Variants in FOXO3 observed in about 807,000 individuals in gnomAD.
The protein encoded by FOXO3 is forkhead box O3, also known as forkhead box protein O3.
FOXO3 carries 4 observed loss-of-function variants against 41.9 expected under a neutral mutation model. That is an observed-to-expected ratio of 0.10 (90% confidence interval 0.05 to 0.22). FOXO3 has a LOEUF of 0.22. Ranked by LOEUF, FOXO3 falls within the 10% of genes least tolerant of loss-of-function variation. The pLI, the probability that FOXO3 is intolerant of heterozygous loss-of-function variation, is 1.00. For synonymous variants in FOXO3, 318 were observed against 389.3 expected, an observed-to-expected ratio of 0.82 and a Z score of 2.16; for missense variants, 534 against 906.8, an observed-to-expected ratio of 0.59 and a Z score of 5.28.
At chr6:108,572,867 A>G (rs976227879) in intron 1 of FOXO3, among the ~76,000 whole-genome samples, 1 of 152,172 alleles carries the variant, frequency 6.6e-6, no homozygotes, top group Admixed American at 6.5e-5. Flanking sequence ...GAAATGGTTC[A>G]GGAAGGTGAA....
rs146295981 is a variant in FOXO3, at chr6:108,653,529, C to T, written c.622-9926C>T. On this transcript the variant is annotated intron_variant, in intron 1 of 2. Coordinates refer to ENST00000406360, the MANE Select transcript of FOXO3 (RefSeq NM_001455.4). The stretch of plus-strand genomic sequence containing the variant: ...GATTGGATTCAGGTGTGGCACTGTG[C>T]CTCTTTGGTCCTCAGGGTCTGCGAC... 5.0e-4 allele frequency among the ~76,000 whole-genome samples: 76 copies of T among 152,222 alleles called. No individual in the cohort carries two copies. In the East Asian group the frequency reaches 0.014, roughly 27 times the overall value.
intron 1 of FOXO3, among the ~76,000 whole-genome samples, chr6:108,582,184 A>G (rs72940688): frequency 0.015 from 2,218 of 152,298 alleles, 28 homozygotes; most frequent in Non-Finnish European, 0.023. Context: ...GGTATAGGCC[A>G]TTTATTTACT....
chr6:108,565,479 G>T (rs1188889881), intron 1 of FOXO3, among the ~76,000 whole-genome samples: 2 of 152,164 alleles, frequency 1.3e-5, no homozygotes, highest in Non-Finnish European at 2.9e-5. Context: ...CTCTAAGGAC[G>T]CCAGGGCTTA....
At chr6:108,609,880 A>G (rs1258313801) in intron 1 of FOXO3, among the ~76,000 whole-genome samples, 1 of 152,152 alleles carries the variant, frequency 6.6e-6, no homozygotes, top group African/African-American at 2.4e-5. Context: ...CCTAGACTAG[A>G]GTTTTTTCAT....
At chr6:108,647,641 C>T (rs906981313) in intron 1 of FOXO3, among the ~76,000 whole-genome samples, 1 of 152,092 alleles carries the variant, frequency 6.6e-6, no homozygotes, top group Admixed American at 6.5e-5. Context: ...AGTATCATTT[C>T]AGAGGTACTA....
intron 1 of FOXO3, among the ~76,000 whole-genome samples, chr6:108,592,319 G>A (rs998525379): frequency 6.6e-6 from 1 of 152,220 alleles, no homozygotes; most frequent in Non-Finnish European, 1.5e-5. Context: ...CCGAAAAAAG[G>A]GGTTAGAAAA....
chr6:108,656,296 CA>C, intron 1 of FOXO3: 1 of 913,722 alleles, frequency 1.1e-6, no homozygotes, highest in Non-Finnish European at 1.3e-6. Flanking sequence ...TGCTTCCAGA[CA>C]AAAACCTCTC....
intron 2 of FOXO3, among the ~76,000 whole-genome samples, chr6:108,669,872 G>A (rs892090269): frequency 1.3e-5 from 2 of 152,160 alleles, no homozygotes; most frequent in African/African-American, 4.8e-5. Flanking sequence ...CCTTCAAGCA[G>A]TTGTATTTAT....
At chr6:108,585,886 T>C (rs1776567703) in intron 1 of FOXO3, among the ~76,000 whole-genome samples, 1 of 152,198 alleles carries the variant, frequency 6.6e-6, no homozygotes, top group Non-Finnish European at 1.5e-5. Flanking sequence ...CCCCAGTGGC[T>C]GTCACTCTGG....
At chr6:108,627,684 C>T (rs910223471) in intron 1 of FOXO3, among the ~76,000 whole-genome samples, 86 of 151,868 alleles carry the variant, frequency 5.7e-4, no homozygotes, top group African/African-American at 2.0e-3. Context: ...CTAACACTAA[C>T]AGTAGCTGAT....
intron 1 of FOXO3, among the ~76,000 whole-genome samples, chr6:108,617,569 A>G (rs1777550460): frequency 6.6e-6 from 1 of 152,206 alleles, no homozygotes; most frequent in Non-Finnish European, 1.5e-5. Flanking sequence ...TTTTACAGTG[A>G]TCAATTAAAA....
intron 1 of FOXO3, among the ~76,000 whole-genome samples, chr6:108,615,629 T>C (rs1777476983): frequency 6.6e-6 from 1 of 152,070 alleles, no homozygotes. Context: ...AAAAAAAATT[T>C]AAAATCCAGC....
intron 2 of FOXO3, among the ~76,000 whole-genome samples, chr6:108,669,310 G>C (rs1487888719): frequency 6.6e-6 from 1 of 152,136 alleles, no homozygotes; most frequent in Non-Finnish European, 1.5e-5. Flanking sequence ...AATCTTTGAT[G>C]CTTGTTTGAC....
chr6:108,607,173 T>G (rs1044172303), intron 1 of FOXO3, among the ~76,000 whole-genome samples: 7 of 152,138 alleles, frequency 4.6e-5, no homozygotes, highest in African/African-American at 1.7e-4. Context: ...ATATTTCAGC[T>G]GGGCGCAGTG....
In FOXO3 at chr6:108,561,437, A is replaced by T; in HGVS notation, c.229A>T (p.Met77Leu). 2 of 1,533,730 alleles carry T rather than the reference A, an allele frequency of 1.3e-6. No individual in the cohort carries two copies. The highest frequency in any genetic ancestry group is 1.7e-6 in the Non-Finnish European group (2 of 1,143,014). ...CGGCGGGGGACGGGCCGGCTCGGCC[A>T]TGGCGATCGGCGGCGGCGGCGGGAG... ...EDGGGRAGSA[M>L]AIGGGGGSGT... is the part of the protein sequence containing the mutation. The change falls in exon 1 of 3, where the codon ATG becomes TTG. Residue 77 changes from methionine to leucine, a missense_variant. Coordinates refer to ENST00000406360, the MANE Select transcript of FOXO3 (RefSeq NM_001455.4).
intron 1 of FOXO3, among the ~76,000 whole-genome samples, chr6:108,608,341 C>G (rs1475630033): frequency 6.6e-6 from 1 of 152,156 alleles, no homozygotes; most frequent in African/African-American, 2.4e-5. Flanking sequence ...CTATCACTGG[C>G]CTATTTTCTG....
intron 2 of FOXO3, among the ~76,000 whole-genome samples, chr6:108,678,996 C>T (rs1273811229): frequency 6.7e-6 from 1 of 149,038 alleles, no homozygotes; most frequent in East Asian, 2.1e-4. Flanking sequence ...CTCAGCCTCC[C>T]GAGTAGCTGG....
rs191526426 is a variant in FOXO3, at chr6:108,612,650, A to G, written c.622-50805A>G. Among the ~76,000 whole-genome samples the G allele has an allele frequency of 6.6e-3, 1,010 of 152,244 alleles. 14 individuals are homozygous for G. Among genetic ancestry groups the G allele is most frequent in the African/African-American group, 0.023 (972 of 41,538 alleles). ...AGCCAAGATTGTGCCATTGCACTCC[A>G]GCCTGGGTGACAATAGCGAAACTCT... On this transcript the variant is annotated intron_variant, in intron 1 of 2. Transcript: ENST00000406360.
Position 108,561,736 on chromosome 6 carries a change from A to G in FOXO3, c.528A>G (p.Lys176=), listed in dbSNP as rs749997186. 2 of 1,608,860 alleles carry G rather than the reference A, an allele frequency of 1.2e-6. No homozygotes were observed. The highest frequency in any genetic ancestry group is 2.2e-5 in the South Asian group (2 of 90,514). The change falls in exon 1 of 3, where the codon AAA becomes AAG. Residue 176 remains lysine (K), a synonymous_variant. Coordinates refer to ENST00000406360, the MANE Select transcript of FOXO3 (RefSeq NM_001455.4). ...GCGCCATCGAGAGCTCCCCGGACAA[A>G]CGGCTCACTCTGTCCCAGATCTACG... ...ITRAIESSPD[K]RLTLSQIYEW... is the part of the protein sequence containing the mutation.
Sources: gnomAD v4.1 joint callset for allele counts (sites outside exome capture counted in the v4.1 genomes callset) on GRCh38, gnomAD v4.1.1 for gene constraint, MANE v1.5 for transcripts, NCBI Gene and HGNC (gene_info 2026-07-23, HGNC 2026-07-21) for gene names.